Variants in MAP3K1 observed in about 807,000 individuals in gnomAD.
MAP3K1 encodes the protein MAP/ERK kinase kinase 1.
A neutral mutation model predicts 144.2 loss-of-function variants in MAP3K1; 36 were observed. The observed-to-expected ratio is 0.25, with a 90% confidence interval of 0.19 to 0.33. The LOEUF (loss-of-function observed/expected upper bound fraction) is 0.33. Ranked by LOEUF, MAP3K1 falls within the 10% of genes least tolerant of loss-of-function variation. The pLI is 1.00. For synonymous variants in MAP3K1, 718 were observed against 688.7 expected, an observed-to-expected ratio of 1.04 and a Z score of -0.67; for missense variants, 1,650 against 1,881.9, an observed-to-expected ratio of 0.88 and a Z score of 2.28.
intron 1 of MAP3K1, among the ~76,000 whole-genome samples, chr5:56,844,103 G>A (rs1338937330): frequency 6.6e-6 from 1 of 151,132 alleles, no homozygotes; most frequent in East Asian, 1.9e-4. Flanking sequence ...GATAAATAAA[G>A]CCAACTAACT....
chr5:56,872,103 T>C (rs1048449919), intron 7 of MAP3K1, 72 bp downstream of exon 7: 1 of 1,587,140 alleles, frequency 6.3e-7, no homozygotes, highest in Middle Eastern at 1.7e-4. Context: ...TATTTAAGAG[T>C]GTAACATGGC....
At position 56,875,191 on chromosome 5, in the gene MAP3K1, G is replaced by A. The variant is rs143853590; in HGVS notation, c.1846G>A (p.Gly616Arg). 1,605 of 1,614,128 alleles carry A rather than the reference G, an allele frequency of 9.9e-4. 2 individuals are homozygous for A. The highest frequency in any genetic ancestry group is 1.5e-3 in the Admixed American group (89 of 60,018). ...GGGCAGCAGTGGAAGCAGCCCGAGT[G>A]GGGGAGCCACCAGTGGGTCTTCCCA... is the stretch of plus-strand genomic sequence containing the variant. ...SGGSSGSSPS[G>R]GATSGSSQTS... Residue 616 changes from glycine to arginine, a missense_variant, in exon 10 of 20, where the codon GGG (glycine) becomes AGG (arginine). Coordinates refer to ENST00000399503, the MANE Select transcript of MAP3K1 (RefSeq NM_005921.2).
At chr5:56,843,622 A>G (rs1014524719) in intron 1 of MAP3K1, among the ~76,000 whole-genome samples, 27 of 152,142 alleles carry the variant, frequency 1.8e-4, no homozygotes, top group African/African-American at 6.3e-4. Context: ...GACCAGGGGC[A>G]AATCTTTGTG....
intron 1 of MAP3K1, among the ~76,000 whole-genome samples, chr5:56,848,021 T>G (rs1020400677): frequency 6.6e-6 from 1 of 152,194 alleles, no homozygotes; most frequent in Non-Finnish European, 1.5e-5. Flanking sequence ...TTAATATACA[T>G]TTTTCTTTTT....
rs1748626468 is a variant in MAP3K1 at position 56,893,940 on chromosome 5, A to C, written c.*260A>C. ...CCCTAGGTGAACAGGAAAACAATGA[A>C]GTTTGCATGACTAAATTGCAGAAGC... On this transcript the variant is annotated 3_prime_UTR_variant, in exon 20 of 20. Transcript: ENST00000399503. The C allele has an allele frequency of 1.9e-6, 1 of 513,106 alleles. No individual in the cohort carries two copies. Among genetic ancestry groups the C allele is most frequent in the South Asian group, 2.3e-5 (1 of 43,040 alleles). 31.8% of individuals were successfully genotyped at this position (513,106 alleles called of 1,614,324 possible).
intron 1 of MAP3K1, among the ~76,000 whole-genome samples, chr5:56,840,336 C>T (rs1052857727): frequency 6.6e-6 from 1 of 152,026 alleles, no homozygotes; most frequent in African/African-American, 2.4e-5. Context: ...TTAGTAGAGG[C>T]AGGGTTTCAC....
chr5:56,861,568 TA>T lies in MAP3K1; in HGVS notation c.834+1675del, dbSNP rs869216404. Among the ~76,000 whole-genome samples the T allele has an allele frequency of 8.5e-3, 971 of 114,148 alleles. 7 individuals carry two copies. Among genetic ancestry groups the T allele is most frequent in the African/African-American group, 0.03 (888 of 29,142 alleles). 74.9% of individuals were successfully genotyped at this position (114,148 alleles called of 152,430 possible). A position where few individuals can be genotyped will look rare whatever the true frequency, so the allele number is the denominator to read the frequency against. The stretch of plus-strand genomic sequence containing the variant: ...AGCCTGGGCGACAGAGTGAGACTCC[TA>T]AAAAAAAAAAAAAAAAAAAAAGGGG... On this transcript the variant is annotated intron_variant, in intron 3 of 19. Coordinates refer to ENST00000399503, the MANE Select transcript of MAP3K1 (RefSeq NM_005921.2).
At chr5:56,856,813 A>G in intron 2 of MAP3K1, 63 bp downstream of exon 2, 3 of 1,519,704 alleles carry the variant, frequency 2.0e-6, no homozygotes, top group South Asian at 2.3e-5. Context: ...AAAAGTAAGC[A>G]TAAATAGATC....
Position 56,856,606 on chromosome 5 carries a change from G to T in MAP3K1, c.489G>T (p.Glu163Asp). The T allele has an allele frequency of 6.2e-7, 1 of 1,613,004 alleles. No homozygotes were observed. The highest frequency in any genetic ancestry group is 8.5e-7 in the Non-Finnish European group (1 of 1,179,060). The change falls in exon 2 of 20, where the codon GAG (glutamate) becomes GAT (aspartate). Residue 163 changes from glutamate (E) to aspartate (D), a missense_variant. This residue lies in a region of MAP3K1 where 360 missense variants were observed against 274.7 expected (regional missense o/e 1.31). Coordinates refer to ENST00000399503, the MANE Select transcript of MAP3K1 (RefSeq NM_005921.2). The stretch of plus-strand genomic sequence containing the variant: ...GTTTCTGCCTGCATTTTAGTCGTGA[G>T]ATGGAGAATAAAGAAACTCTCAAAG... ...PSPAAAPAGR[E>D]MENKETLKGL...
At chr5:56,829,676 A>G (rs1396029725) in intron 1 of MAP3K1, among the ~76,000 whole-genome samples, 1 of 152,196 alleles carries the variant, frequency 6.6e-6, no homozygotes, top group Non-Finnish European at 1.5e-5. Context: ...TATTTGGGGC[A>G]CTTACTCTGT....
At chr5:56,887,273 TTC>T in intron 17 of MAP3K1, 103 bp from the exon 18 acceptor site, 1 of 1,100,310 alleles carries the variant, frequency 9.1e-7, no homozygotes, top group Non-Finnish European at 1.4e-6. Context: ...TGTAGTTCAC[TTC>T]TTTCTTTTGT....
intron 13 of MAP3K1, 145 bp from the exon 14 acceptor site, chr5:56,881,424 TG>T (rs1179132170): frequency 1.2e-5 from 12 of 972,094 alleles, no homozygotes; most frequent in South Asian, 2.8e-5. Flanking sequence ...ACCCAAAGTC[TG>T]GGCTCTTTAA....
At chr5:56,869,125 C>T (rs918833673) in intron 6 of MAP3K1, among the ~76,000 whole-genome samples, 3 of 151,836 alleles carry the variant, frequency 2.0e-5, no homozygotes, top group Non-Finnish European at 4.4e-5. Context: ...GAAAAATTAG[C>T]CAGGCATGGG....
At chr5:56,835,775 T>C (rs1187843337) in intron 1 of MAP3K1, among the ~76,000 whole-genome samples, 2 of 151,910 alleles carry the variant, frequency 1.3e-5, no homozygotes, top group Non-Finnish European at 2.9e-5. Context: ...AAAAGTTTTA[T>C]TTGTGGTTAA....
At chr5:56,843,813 T>C (rs906506221) in intron 1 of MAP3K1, among the ~76,000 whole-genome samples, 7 of 152,206 alleles carry the variant, frequency 4.6e-5, no homozygotes, top group Non-Finnish European at 1.0e-4. Flanking sequence ...ATGCTAAATT[T>C]TGTGATAGCT....
chr5:56,815,814 G>C lies in MAP3K1; in HGVS notation c.241G>C (p.Ala81Pro), dbSNP rs957611708. The C allele has an allele frequency of 2.8e-6, 4 of 1,422,666 alleles. No individual in the cohort carries two copies. Among genetic ancestry groups the C allele is most frequent in the African/African-American group, 3.0e-5 (2 of 67,608 alleles). The allele number at this position is 1,422,666 out of a possible 1,614,324, so 88.1% of individuals were successfully genotyped here. A position where few individuals can be genotyped will look rare whatever the true frequency, so the allele number is the denominator to read the frequency against. Residue 81 changes from alanine to proline, a missense_variant, in exon 1 of 20, where the codon GCC becomes CCC. Around this residue, in one of 6 missense-constraint regions of MAP3K1, gnomAD observed 360 missense variants for 274.7 expected, o/e 1.31. Transcript: ENST00000399503. ...DQLPEQPLFL[A>P]ASPPASSTSP... Reference sequence around the variant, plus strand: ...GCTGCCTGAGCAGCCGCTCTTCCTTGCCGCCTCACCGCCGGCCTCCTCGAC... The same window carrying C: ...GCTGCCTGAGCAGCCGCTCTTCCTTCCCGCCTCACCGCCGGCCTCCTCGAC...
chr5:56,821,067 G>C (rs1359831103), intron 1 of MAP3K1, among the ~76,000 whole-genome samples: 4 of 152,066 alleles, frequency 2.6e-5, no homozygotes, highest in Non-Finnish European at 5.9e-5. Context: ...ATTAGTAACA[G>C]CAACTCTACT....
intron 1 of MAP3K1, among the ~76,000 whole-genome samples, chr5:56,853,526 A>G (rs534542435): frequency 2.0e-5 from 3 of 152,200 alleles, no homozygotes; most frequent in Non-Finnish European, 2.9e-5. Flanking sequence ...TGTTAGGTGT[A>G]TAGATGGCGA....
At chr5:56,879,227 G>A (rs907652540) in intron 11 of MAP3K1, 126 bp downstream of exon 11, 6 of 1,277,658 alleles carry the variant, frequency 4.7e-6, no homozygotes, top group East Asian at 4.7e-5. Context: ...GTCTTTTAAT[G>A]TGAGATTTAA....
Sources: allele counts gnomAD v4.1 joint callset (sites outside exome capture counted in the v4.1 genomes callset), GRCh38; gene constraint gnomAD v4.1.1; regional missense constraint gnomAD v4.1.1; transcripts MANE v1.5; gene names NCBI Gene and HGNC (gene_info 2026-07-23, HGNC 2026-07-21).